The following STK32C variants were observed in gnomAD, a reference collection of about 807,000 sequenced individuals.
STK32C encodes the protein serine/threonine kinase 32C, also known as serine/threonine-protein kinase 32C.
In STK32C, 31 loss-of-function variants were observed where a neutral mutation model predicts 56.5. The observed-to-expected ratio is 0.55, with a 90% CI of 0.41 to 0.74. The LOEUF is 0.74. Among genes scored for constraint, STK32C ranks in the 30% least tolerant of loss-of-function variants. STK32C has a pLI of 0.00. For synonymous variants in STK32C, 309 were observed against 289.4 expected (o/e 1.07, Z -0.69); for missense variants, 544 against 676.9 (o/e 0.80, Z 2.18).
chr10:132,291,672 T>G (rs951572898), intron 1 of STK32C, among the ~76,000 whole-genome samples: 3 of 152,174 alleles, frequency 2.0e-5, no homozygotes, highest in Admixed American at 2.0e-4. Flanking sequence ...GAGGCTGAGC[T>G]ATGCCAGGCT....
intron 1 of STK32C, among the ~76,000 whole-genome samples, chr10:132,263,280 G>A (rs2064367030): frequency 6.6e-6 from 1 of 152,104 alleles, no homozygotes; most frequent in African/African-American, 2.4e-5. Context: ...CAAGATTATG[G>A]CCTCTGTGGC....
chr10:132,323,477 C>T (rs1349451570), downstream of STK32C, among the ~76,000 whole-genome samples: 4 of 152,234 alleles, frequency 2.6e-5, no homozygotes, highest in African/African-American at 9.7e-5. This position sits in a 1 kb window ranked among gnomAD's most constrained non-coding sequence, Gnocchi z 4.8. Flanking sequence ...TGTATTTCCT[C>T]CAATAAAGAC....
intron 10 of STK32C, among the ~76,000 whole-genome samples, chr10:132,215,862 A>C (rs745678880): frequency 1.3e-5 from 2 of 152,224 alleles, no homozygotes; most frequent in Non-Finnish European, 2.9e-5. Flanking sequence ...GCTTTGACCA[A>C]AATGCTGATA....
At chr10:132,247,398 G>A (rs2063731629) in intron 1 of STK32C, among the ~76,000 whole-genome samples, 2 of 152,222 alleles carry the variant, frequency 1.3e-5, no homozygotes, top group Non-Finnish European at 2.9e-5. Flanking sequence ...GGGCCCTGGG[G>A]ACAGAGTCAC....
intron 10 of STK32C, chr10:132,209,512 A>G (rs67287036): frequency 2.8e-6 from 1 of 352,212 alleles, no homozygotes; most frequent in Non-Finnish European, 5.6e-6. Flanking sequence ...GGCCCTGCCC[A>G]GAGAATCCTG....
chr10:132,318,012 G>A (rs2066338963), intron 1 of STK32C, among the ~76,000 whole-genome samples: 2 of 149,640 alleles, frequency 1.3e-5, no homozygotes, highest in South Asian at 4.2e-4. Context: ...GCTCACACCT[G>A]TAATCTCAGC....
At position 132,302,571 on chromosome 10, in the gene STK32C, C is replaced by T. The variant is rs549465264; in HGVS notation, c.262+5001G>A. ...AGTCCACACCCCAGACCAGGGGCCTCTGCAGCCACCAGGCTTCTGACCACC... is the reference window on the plus strand; with the variant it reads ...AGTCCACACCCCAGACCAGGGGCCTTTGCAGCCACCAGGCTTCTGACCACC... On this transcript the variant is annotated intron_variant, in intron 1 of 11. Coordinates refer to ENST00000298630, the MANE Select transcript of STK32C (RefSeq NM_173575.4). Among the ~76,000 whole-genome samples, 5 of 152,358 alleles carry T rather than the reference C, an allele frequency of 3.3e-5. No individual in the cohort carries two copies. In the South Asian group the frequency reaches 8.3e-4, roughly 25 times the overall value.
chr10:132,228,203 G>A (rs1359217950), intron 2 of STK32C, 75 bp from the exon 3 acceptor site: 1 of 1,596,194 alleles, frequency 6.3e-7, no homozygotes, highest in Non-Finnish European at 8.6e-7. Flanking sequence ...GAAATGCATG[G>A]GGATGCCTGG....
At chr10:132,285,898 G>A (rs2065386440) in intron 1 of STK32C, among the ~76,000 whole-genome samples, 1 of 152,222 alleles carries the variant, frequency 6.6e-6, no homozygotes, top group Non-Finnish European at 1.5e-5. Flanking sequence ...GAGGCGGGCA[G>A]ATCATGAGGT....
intron 1 of STK32C, among the ~76,000 whole-genome samples, chr10:132,313,980 G>A (rs750988186): frequency 1.8e-4 from 27 of 152,146 alleles, no homozygotes; most frequent in Non-Finnish European, 3.5e-4. Flanking sequence ...ACAAGAGTTC[G>A]CAGGCAGAGT....
intron 1 of STK32C, among the ~76,000 whole-genome samples, chr10:132,324,601 TTCTATAA>T (rs1376369921): frequency 6.6e-6 from 1 of 152,246 alleles, no homozygotes. Flanking sequence ...ACATTCAACT[TTCTATAA>T]AGTATATTTT....
intron 10 of STK32C, among the ~76,000 whole-genome samples, chr10:132,215,262 C>A (rs919905846): frequency 6.6e-6 from 1 of 152,270 alleles, no homozygotes; most frequent in African/African-American, 2.4e-5. Context: ...AATCCTCTCA[C>A]GTCACTGGAA....
At chr10:132,299,714 G>A (rs928228501) in intron 1 of STK32C, among the ~76,000 whole-genome samples, 1 of 152,240 alleles carries the variant, frequency 6.6e-6, no homozygotes, top group Non-Finnish European at 1.5e-5. Context: ...CCACAAGGAG[G>A]CTGATAAGTC....
At chr10:132,218,527 T>A (rs2637633) in intron 10 of STK32C, among the ~76,000 whole-genome samples, 124,071 of 151,944 alleles carry the variant, frequency 0.82, 50,819 homozygotes, top group East Asian at 0.96. Context: ...TATGATTTTT[T>A]AAAAAATAAA....
chr10:132,330,170 G>C (rs2066618201), intron 1 of STK32C: 1 of 426,924 alleles, frequency 2.3e-6, no homozygotes, highest in South Asian at 2.5e-5. Context: ...ACTGAGCACA[G>C]TAAAGGGCAA....
In STK32C at chr10:132,250,638, G is replaced by A. The variant is rs906301349; in HGVS notation, c.263-4683C>T. 9.3e-5 allele frequency among the ~76,000 whole-genome samples: 14 copies of A among 151,038 alleles called. 1 individual carries two copies. Among genetic ancestry groups the A allele is most frequent in the African/African-American group, 3.4e-4 (14 of 40,962 alleles). ...CGAGGCAGGTGGGTGTGAGGTGCCC[G>A]GGACAGGTCACTGCAGAGAGGGGCC... On this transcript the variant is annotated intron_variant, in intron 1 of 11. Coordinates refer to ENST00000298630, the MANE Select transcript of STK32C (RefSeq NM_173575.4).
At chr10:132,209,130 G>A (rs1363065527) in intron 10 of STK32C, 29 bp from the exon 11 acceptor site, 31 of 1,602,748 alleles carry the variant, frequency 1.9e-5, no homozygotes, top group Non-Finnish European at 2.5e-5. Context: ...ACGTGAGCGT[G>A]GGGGACGCTG....
intron 2 of STK32C, among the ~76,000 whole-genome samples, chr10:132,233,400 G>A (rs1252742911): frequency 6.6e-6 from 1 of 152,214 alleles, no homozygotes; most frequent in African/African-American, 2.4e-5. Context: ...ACTTGTCCCA[G>A]GTCCCTCTCC....
intron 1 of STK32C, among the ~76,000 whole-genome samples, chr10:132,325,724 CTTTTTTT>C (rs541031233): frequency 0.011 from 1,526 of 139,328 alleles, 17 homozygotes; most frequent in Non-Finnish European, 0.017. Context: ...TTTGGTATGT[CTTTTTTT>C]TTTTTTTTTT....
Sources: allele counts gnomAD v4.1 joint callset (sites outside exome capture counted in the v4.1 genomes callset), GRCh38; gene constraint gnomAD v4.1.1; non-coding constraint Gnocchi (gnomAD v3.1); transcripts MANE v1.5; gene names NCBI Gene and HGNC (gene_info 2026-07-23, HGNC 2026-07-21).